Variants in IGSF11 observed in about 807,000 individuals in gnomAD.
IGSF11 encodes CXADR like 1.
In IGSF11, 22 loss-of-function variants were observed where a neutral mutation model predicts 41.0. The observed-to-expected ratio is 0.54, with a 90% CI of 0.38 to 0.77. IGSF11 has a LOEUF of 0.77. Ranked by LOEUF, IGSF11 falls within the 30% of genes least tolerant of loss-of-function variation. The probability of loss-of-function intolerance (pLI) is 0.00; values close to 1 mark genes in which losing one functional copy is unlikely to be tolerated. For synonymous variants in IGSF11, 219 were observed against 201.3 expected (o/e 1.09, Z -0.74); for missense variants, 444 against 530.8 (o/e 0.84, Z 1.61).
chr3:119,113,826 A>G (rs2077218604), intron 1 of IGSF11, among the ~76,000 whole-genome samples: 2 of 152,250 alleles, frequency 1.3e-5, no homozygotes, highest in Non-Finnish European at 2.9e-5. Flanking sequence ...CTGCCCCTGC[A>G]GCAGACTTCT....
chr3:119,093,592 C>G (rs2076800465), intron 1 of IGSF11, among the ~76,000 whole-genome samples: 1 of 152,180 alleles, frequency 6.6e-6, no homozygotes, highest in African/African-American at 2.4e-5. Context: ...TGGGGCTCAG[C>G]AGCAGTTTAC....
At chr3:118,983,003 A>C (rs1199103063) in intron 1 of IGSF11, among the ~76,000 whole-genome samples, 1 of 152,222 alleles carries the variant, frequency 6.6e-6, no homozygotes, top group East Asian at 1.9e-4. Context: ...TTTGAGTCAT[A>C]AATGACACAT....
chr3:118,962,479 A>G (rs1044692793), intron 1 of IGSF11, among the ~76,000 whole-genome samples: 2 of 152,190 alleles, frequency 1.3e-5, no homozygotes, highest in Non-Finnish European at 2.9e-5. Flanking sequence ...CTGGTTGTCA[A>G]GCACTCTGGA....
At chr3:118,975,947 T>C (rs114571704) in intron 1 of IGSF11, among the ~76,000 whole-genome samples, 3,998 of 152,282 alleles carry the variant, frequency 0.026, 147 homozygotes, top group African/African-American at 0.091. Flanking sequence ...GGATCATTTG[T>C]ACCCCAAACC....
intron 1 of IGSF11, among the ~76,000 whole-genome samples, chr3:119,103,498 A>C (rs2076971562): frequency 6.6e-6 from 1 of 152,158 alleles, no homozygotes; most frequent in African/African-American, 2.4e-5. Context: ...TATAAGAGGA[A>C]GGAGCTAAGA....
intron 1 of IGSF11, among the ~76,000 whole-genome samples, chr3:119,125,190 T>C (rs963156648): frequency 2.0e-5 from 3 of 152,164 alleles, no homozygotes; most frequent in African/African-American, 7.2e-5. Context: ...AATAAAAGAA[T>C]GTTAATGAGC....
intron 1 of IGSF11, among the ~76,000 whole-genome samples, chr3:118,975,359 G>C (rs1275180155): frequency 4.8e-5 from 6 of 125,766 alleles, no homozygotes; most frequent in African/African-American, 2.4e-4. Context: ...AGCCCTGCTG[G>C]ATTTAAAAAA....
chr3:119,093,866 A>G (rs930196851), intron 1 of IGSF11, among the ~76,000 whole-genome samples: 2 of 152,186 alleles, frequency 1.3e-5, no homozygotes, highest in African/African-American at 4.8e-5. Flanking sequence ...TGAAGTGAAT[A>G]TATGGATAAT....
At chr3:119,003,596 G>A (rs2107676838) in intron 1 of IGSF11, among the ~76,000 whole-genome samples, 1 of 151,116 alleles carries the variant, frequency 6.6e-6, no homozygotes, top group Non-Finnish European at 1.5e-5. Flanking sequence ...ATTGGCTGTG[G>A]GTTTGTTATA....
intron 1 of IGSF11, among the ~76,000 whole-genome samples, chr3:119,078,448 G>A (rs924148655): frequency 1.2e-4 from 18 of 152,140 alleles, no homozygotes; most frequent in Admixed American, 3.3e-4. Context: ...TGACAAAGTC[G>A]ACAACAAGCA....
chr3:119,062,550 T>C (rs1163515346), intron 1 of IGSF11, among the ~76,000 whole-genome samples: 2 of 152,188 alleles, frequency 1.3e-5, no homozygotes, highest in East Asian at 1.9e-4. Context: ...AGTCATATTA[T>C]TGCGAGGTTC....
chr3:118,920,709 A>G (rs912805095), intron 4 of IGSF11, among the ~76,000 whole-genome samples: 1 of 152,220 alleles, frequency 6.6e-6, no homozygotes, highest in Non-Finnish European at 1.5e-5. Flanking sequence ...TGGCATAATT[A>G]TAAGAACAAA....
At chr3:119,018,477 C>A (rs1245256986) in intron 1 of IGSF11, among the ~76,000 whole-genome samples, 1 of 152,176 alleles carries the variant, frequency 6.6e-6, no homozygotes, top group Admixed American at 6.5e-5. Context: ...AAAATGTAAT[C>A]CACTTACTGA....
At chr3:119,047,030 C>T (rs914215171) in intron 1 of IGSF11, among the ~76,000 whole-genome samples, 61 of 146,268 alleles carry the variant, frequency 4.2e-4, no homozygotes, top group Middle Eastern at 3.4e-3. Flanking sequence ...CGGTACCAGC[C>T]GCTGCAAAAT....
At chr3:119,073,693 C>T (rs1352244743) in intron 1 of IGSF11, among the ~76,000 whole-genome samples, 1 of 152,188 alleles carries the variant, frequency 6.6e-6, no homozygotes, top group East Asian at 1.9e-4. Context: ...CCGGCTGCTC[C>T]AAGTGTGGGG....
chr3:118,920,315 C>G (rs1260619768), intron 4 of IGSF11, among the ~76,000 whole-genome samples: 2 of 150,036 alleles, frequency 1.3e-5, no homozygotes, highest in Non-Finnish European at 3.0e-5. Context: ...TAAAAGACCT[C>G]TTTAAATATC....
At chr3:119,074,251 G>A (rs2076453875) in intron 1 of IGSF11, among the ~76,000 whole-genome samples, 1 of 152,020 alleles carries the variant, frequency 6.6e-6, no homozygotes, top group African/African-American at 2.4e-5. Context: ...TAAAACTGAT[G>A]ACATATTTGA....
intron 2 of IGSF11, among the ~76,000 whole-genome samples, chr3:118,929,756 C>T (rs989397505): frequency 6.6e-5 from 10 of 152,126 alleles, no homozygotes; most frequent in African/African-American, 2.4e-4. Flanking sequence ...AGTACTACAA[C>T]CTAATGTTAC....
intron 1 of IGSF11, among the ~76,000 whole-genome samples, chr3:118,943,912 A>G (rs545470529): frequency 4.0e-4 from 61 of 152,366 alleles, no homozygotes; most frequent in Admixed American, 2.1e-3. Flanking sequence ...CATTCATATG[A>G]CAAAAGTGGC....
Sources: allele counts gnomAD v4.1 joint callset (sites outside exome capture counted in the v4.1 genomes callset), GRCh38; gene constraint gnomAD v4.1.1; transcripts MANE v1.5; gene names NCBI Gene and HGNC (gene_info 2026-07-23, HGNC 2026-07-21).